Variants in SEZ6L observed in about 807,000 individuals in gnomAD.
The protein encoded by SEZ6L is seizure 6-like protein.
In SEZ6L, 37 loss-of-function variants were observed where a neutral mutation model predicts 106.2. The observed-to-expected ratio is 0.35, with a 90% CI of 0.27 to 0.46. The LOEUF is 0.46. Ranked by LOEUF, SEZ6L falls within the 20% of genes least tolerant of loss-of-function variation. The pLI is 1.00. For missense variants in SEZ6L, 1,172 were observed against 1,332.8 expected (o/e 0.88, Z 1.88); for synonymous variants, 541 against 570.4 (o/e 0.95, Z 0.73).
intron 12 of SEZ6L, among the ~76,000 whole-genome samples, chr22:26,362,550 GC>G (rs1361819503): frequency 3.3e-5 from 5 of 152,132 alleles, no homozygotes; most frequent in Non-Finnish European, 7.4e-5. Context: ...CATTTGCTTG[GC>G]CCCTTAGAGC....
intron 1 of SEZ6L, among the ~76,000 whole-genome samples, chr22:26,201,991 A>T (rs1940989146): frequency 6.6e-6 from 1 of 152,046 alleles, no homozygotes; most frequent in Admixed American, 6.6e-5. Context: ...TCCGCTCACT[A>T]CAATCTCTGC....
intron 1 of SEZ6L, among the ~76,000 whole-genome samples, chr22:26,193,273 T>C (rs1026540297): frequency 6.6e-6 from 1 of 152,244 alleles, no homozygotes; most frequent in African/African-American, 2.4e-5. Context: ...AAAATTCGTG[T>C]GAGACAAATA....
At chr22:26,197,868 A>G (rs1434466762) in intron 1 of SEZ6L, among the ~76,000 whole-genome samples, 4 of 152,106 alleles carry the variant, frequency 2.6e-5, no homozygotes, top group Non-Finnish European at 5.9e-5. Context: ...GCCATCCAAT[A>G]AAGGATGGAT....
intron 4 of SEZ6L, 32 bp downstream of exon 4, chr22:26,297,112 G>A (rs2081325785): frequency 1.3e-6 from 2 of 1,518,290 alleles, no homozygotes; most frequent in Non-Finnish European, 8.9e-7. Context: ...TGAAACATAG[G>A]CGTTTGCCTC....
At chr22:26,318,816 A>G (rs1182082421) in intron 9 of SEZ6L, among the ~76,000 whole-genome samples, 1 of 152,106 alleles carries the variant, frequency 6.6e-6, no homozygotes, top group Non-Finnish European at 1.5e-5. Context: ...TTTTACCCCC[A>G]TCTTTCTCAT....
rs559552014 is a variant in SEZ6L, at chr22:26,188,526, A to G, written c.94+18763A>G. 2.4e-4 allele frequency among the ~76,000 whole-genome samples: 37 copies of G among 152,282 alleles called. 2 individuals are homozygous for G. Among genetic ancestry groups the G allele is most frequent in the Admixed American group, 2.1e-3 (32 of 15,302 alleles). ...GAGTGTCCTAAGAGCAAAAGTGCAA[A>G]GTGAAGCTCTCTAAACATGACTTGG... is the stretch of plus-strand genomic sequence containing the variant. On this transcript the variant is annotated intron_variant, in intron 1 of 16. Coordinates refer to ENST00000248933, the MANE Select transcript of SEZ6L (RefSeq NM_021115.5).
chr22:26,313,670 GCTGT>G (rs2081913922), intron 8 of SEZ6L, 90 bp from the exon 9 acceptor site: 1 of 1,463,230 alleles, frequency 6.8e-7, no homozygotes, highest in Non-Finnish European at 9.4e-7. Context: ...GAGATTCACG[GCTGT>G]CTGACTTCAT....
intron 1 of SEZ6L, among the ~76,000 whole-genome samples, chr22:26,222,149 C>T (rs541643987): frequency 6.6e-6 from 1 of 152,114 alleles, no homozygotes; most frequent in East Asian, 1.9e-4. Flanking sequence ...AAATCAGAAA[C>T]TCTCGAGTTA....
chr22:26,366,472 T>C (rs1391184804), intron 13 of SEZ6L, among the ~76,000 whole-genome samples: 9 of 152,100 alleles, frequency 5.9e-5, no homozygotes, highest in Non-Finnish European at 8.8e-5. Flanking sequence ...GGTGGGAGGA[T>C]TGCTTGAGCC....
At chr22:26,207,565 A>AT (rs1471469364) in intron 1 of SEZ6L, among the ~76,000 whole-genome samples, 2 of 151,894 alleles carry the variant, frequency 1.3e-5, no homozygotes, top group East Asian at 3.9e-4. Flanking sequence ...CCATCTTAGT[A>AT]TTTTTTTCTA....
chr22:26,298,547 C>A (rs375599008), intron 4 of SEZ6L, among the ~76,000 whole-genome samples: 1 of 152,200 alleles, frequency 6.6e-6, no homozygotes, highest in Non-Finnish European at 1.5e-5. Context: ...CAGTAGTTCT[C>A]GAGCTTTCAT....
chr22:26,348,703 A>AAAGCAAGCAAGCAAGC (rs1207033331), intron 11 of SEZ6L, among the ~76,000 whole-genome samples: 1 of 41,480 alleles, frequency 2.4e-5, no homozygotes, highest in African/African-American at 1.1e-4. Context: ...AGAAAGAAAG[A>AAAGCAAGCAAGCAAGC]AGGCAAGGGA....
chr22:26,323,652 A>G (rs2082218592), intron 9 of SEZ6L, among the ~76,000 whole-genome samples: 1 of 152,164 alleles, frequency 6.6e-6, no homozygotes, highest in African/African-American at 2.4e-5. Context: ...AAATAATGTA[A>G]AAATTAAAAT....
Position 26,299,068 on chromosome 22 carries a change from A to G in SEZ6L, c.1247A>G (p.His416Arg). ...GACCTGCACTCAGGTGGGGTGGCCC[A>G]CTTTCACTGCCACCTGGGCTATGAG... ...VMDLHSGGVA[H>R]FHCHLGYELQ... The change falls in exon 5 of 17, where the codon CAC becomes CGC. Residue 416 changes from histidine (H) to arginine (R), a missense_variant. Around this residue, in one of 4 missense-constraint regions of SEZ6L, gnomAD observed 534 missense variants for 691.0 expected, o/e 0.77. Transcript: ENST00000248933. 2 of 1,608,614 alleles carry G rather than the reference A, an allele frequency of 1.2e-6. No individual in the cohort carries two copies. Among genetic ancestry groups the G allele is most frequent in the Non-Finnish European group, 8.5e-7 (1 of 1,177,664 alleles).
intron 1 of SEZ6L, among the ~76,000 whole-genome samples, chr22:26,266,598 TAAATAAATAAA>T (rs1601319529): frequency 6.8e-6 from 1 of 147,868 alleles, no homozygotes; most frequent in East Asian, 2.0e-4. Context: ...AATAAATAAA[TAAATAAATAAA>T]TAAATAAATA....
At chr22:26,331,718 TCAAG>T (rs2082486186) in intron 9 of SEZ6L, among the ~76,000 whole-genome samples, 2 of 152,046 alleles carry the variant, frequency 1.3e-5, no homozygotes, top group South Asian at 4.1e-4. Context: ...GCGTGGTGGC[TCAAG>T]CCTGTATCCC....
intron 1 of SEZ6L, among the ~76,000 whole-genome samples, chr22:26,248,677 C>T (rs1464253910): frequency 6.6e-6 from 1 of 152,272 alleles, no homozygotes; most frequent in Non-Finnish European, 1.5e-5. Flanking sequence ...CTCTTGCCAA[C>T]TTGCCTTCTG....
rs574652032 is a variant in SEZ6L, at chr22:26,249,663, T to C, written c.95-42743T>C. ...TGGGAGTGCAGATATCTCTTCAACA[T>C]ACTGATGTCCTTTCCTTTGGATATA... is the stretch of plus-strand genomic sequence containing the variant. On this transcript the variant is annotated intron_variant, in intron 1 of 16. Coordinates refer to ENST00000248933, the MANE Select transcript of SEZ6L (RefSeq NM_021115.5). 3.9e-5 allele frequency among the ~76,000 whole-genome samples: 6 copies of C among 152,290 alleles called. No individual in the cohort carries two copies. In the South Asian group the frequency reaches 1.2e-3, roughly 32 times the overall value.
intron 1 of SEZ6L, among the ~76,000 whole-genome samples, chr22:26,247,677 T>C (rs1289270094): frequency 1.3e-5 from 2 of 152,172 alleles, no homozygotes; most frequent in African/African-American, 4.8e-5. Flanking sequence ...ACTTCTAGCC[T>C]CCAGGACTGT....
Sources: gnomAD v4.1 joint callset for allele counts (sites outside exome capture counted in the v4.1 genomes callset) on GRCh38, gnomAD v4.1.1 for gene constraint, gnomAD v4.1.1 regional missense constraint, MANE v1.5 for transcripts, NCBI Gene and HGNC (gene_info 2026-07-23, HGNC 2026-07-21) for gene names.